Variants in ANO1 observed in about 807,000 individuals in gnomAD.
The protein encoded by ANO1 is anoctamin-1.
A neutral mutation model predicts 124.0 loss-of-function variants in ANO1; 59 were observed. That is an observed-to-expected ratio of 0.48 (90% CI 0.39 to 0.59). The LOEUF (loss-of-function observed/expected upper bound fraction) is 0.59, where lower values mean the gene tolerates loss of function less well. Ranked by LOEUF, ANO1 falls within the 20% of genes least tolerant of loss-of-function variation. The pLI, the probability that ANO1 is intolerant of heterozygous loss-of-function variation, is 0.00. For missense variants in ANO1, 1,059 were observed against 1,328.0 expected (o/e 0.80, Z 3.15); for synonymous variants, 529 against 532.0 (o/e 0.99, Z 0.08).
At chr11:70,058,954 CG>C (rs1179278045) in intron 1 of ANO1, among the ~76,000 whole-genome samples, 1 of 151,586 alleles carries the variant, frequency 6.6e-6, no homozygotes, top group Non-Finnish European at 1.5e-5. Flanking sequence ...GAGGCTGAGG[CG>C]GGCAGATCAC....
chr11:70,064,025 G>T (rs1857658031), intron 1 of ANO1: 1 of 152,018 alleles, frequency 6.6e-6, no homozygotes. Flanking sequence ...TGTTTCTGTG[G>T]CTGGGCACAG....
chr11:70,045,624 A>G (rs1345431941), intron 1 of ANO1, among the ~76,000 whole-genome samples: 1 of 152,154 alleles, frequency 6.6e-6, no homozygotes, highest in Non-Finnish European at 1.5e-5. Context: ...GAGGCTGGAC[A>G]TGACTCATAC....
intron 1 of ANO1, among the ~76,000 whole-genome samples, chr11:69,991,973 T>C (rs1554997564): frequency 6.6e-6 from 1 of 152,228 alleles, no homozygotes; most frequent in African/African-American, 2.4e-5. Context: ...CCACTTCTCT[T>C]AGAGCATGCA....
At chr11:70,111,032 C>G (rs567402067) in intron 6 of ANO1, 2 of 427,738 alleles carry the variant, frequency 4.7e-6, no homozygotes, top group Admixed American at 5.0e-5. Context: ...GCTGTGAGTC[C>G]GCCAGAATCA....
At chr11:70,162,268 A>ACAGTGGGGACCCCGGG (rs1338544789) in intron 18 of ANO1, among the ~76,000 whole-genome samples, 1 of 114,968 alleles carries the variant, frequency 8.7e-6, no homozygotes, top group African/African-American at 3.3e-5. Flanking sequence ...AGGGCCCCGG[A>ACAGTGGGGACCCCGGG]CAGTGGGGAC....
In ANO1 at chr11:70,025,963, T is replaced by C. The variant is rs1455582851; in HGVS notation, c.58+39797T>C. ...GTGGTAGTGGTGATGACAGTGATGA[T>C]GATGATGGTGACGATGGTGGTAGTG... On this transcript the variant is annotated intron_variant, in intron 1 of 27. Transcript: ENST00000531349. Among the ~76,000 whole-genome samples, 3 of 148,932 alleles carry C rather than the reference T, an allele frequency of 2.0e-5. No homozygotes were observed. The East Asian group carries it at 6.0e-4, about 30-fold the overall frequency.
chr11:69,994,560 G>C (rs1156871345), intron 1 of ANO1, among the ~76,000 whole-genome samples: 1 of 152,066 alleles, frequency 6.6e-6, no homozygotes, highest in African/African-American at 2.4e-5. Flanking sequence ...ATATATGATG[G>C]CAATTTTTAA....
intron 1 of ANO1, among the ~76,000 whole-genome samples, chr11:70,079,347 GCC>G (rs1457531046): frequency 2.0e-5 from 3 of 152,012 alleles, no homozygotes; most frequent in Non-Finnish European, 4.4e-5. Flanking sequence ...TTCTACCCTC[GCC>G]CCTGTCTCCC....
rs546073769 is a variant in ANO1, at chr11:70,126,224, G to A, written c.1097+29G>A. On this transcript the variant is annotated intron_variant, in intron 10 of 25. Transcript: ENST00000355303. ...GGCGGCAGCCCACCCCCACCACCCC[G>A]CAGTACACAGAGGAGCCCTCTCCTG... 328 of 1,332,736 alleles carry A rather than the reference G, an allele frequency of 2.5e-4. No homozygotes were observed. The East Asian group carries it at 5.1e-3, about 21-fold the overall frequency. 82.6% of individuals were successfully genotyped at this position (1,332,736 alleles called of 1,614,324 possible).
At chr11:70,111,591 C>T (rs1411352748) in intron 6 of ANO1, 116 bp from the exon 7 acceptor site, 4 of 962,542 alleles carry the variant, frequency 4.2e-6, no homozygotes, top group African/African-American at 3.2e-5. Context: ...TAGTCAGGTT[C>T]GTTTCATTTT....
Position 70,120,941 on chromosome 11 carries a change from C to G in ANO1, c.898-3409C>G, listed in dbSNP as rs556598256. On this transcript the variant is annotated intron_variant, in intron 8 of 25. Transcript: ENST00000355303. ...CCTGCTCACCGGGGCTAAGGTGCCA[C>G]CTTGGATTCCTTCCAGCACTTCAGT... Among the ~76,000 whole-genome samples, 3 of 152,296 alleles carry G rather than the reference C, an allele frequency of 2.0e-5. No homozygotes were observed. The East Asian group carries it at 5.8e-4, about 29-fold the overall frequency.
chr11:70,140,815 G>C (rs1463254024), intron 11 of ANO1, among the ~76,000 whole-genome samples: 1 of 152,192 alleles, frequency 6.6e-6, no homozygotes, highest in Non-Finnish European at 1.5e-5. Flanking sequence ...CGGGATATCA[G>C]GACATTCCTG....
chr11:70,163,702 C>T (rs1207078979), intron 19 of ANO1: 4 of 488,878 alleles, frequency 8.2e-6, no homozygotes, highest in Admixed American at 3.9e-5. Flanking sequence ...TTTGGGAGGC[C>T]GAGACTCGTG....
In ANO1 at chr11:70,078,580, G is replaced by C. The variant is rs1435006701; in HGVS notation, c.-27G>C. On this transcript the variant is annotated 5_prime_UTR_variant, in exon 1 of 26. Coordinates refer to ENST00000355303, the MANE Select transcript of ANO1 (RefSeq NM_018043.7). ...CGTGGATGGGGAGGGCGCGCCGCCC[G>C]GCGGTCCCAGCGCACAGGCGGCCAC... 2 of 1,426,418 alleles carry C rather than the reference G, an allele frequency of 1.4e-6. No individual in the cohort carries two copies. The highest frequency in any genetic ancestry group is 1.3e-5 in the South Asian group (1 of 79,470). The allele number at this position is 1,426,418 out of a possible 1,614,324, so 88.4% of individuals were successfully genotyped here. A position where few individuals can be genotyped will look rare whatever the true frequency, so the allele number is the denominator to read the frequency against.
chr11:70,177,934 C>T (rs1456838002), intron 22 of ANO1, among the ~76,000 whole-genome samples: 1 of 152,212 alleles, frequency 6.6e-6, no homozygotes, highest in African/African-American at 2.4e-5. Context: ...GGTTTTTAAG[C>T]ATCCGTCTGC....
chr11:69,991,894 G>T (rs904876844), intron 1 of ANO1, among the ~76,000 whole-genome samples: 1 of 152,210 alleles, frequency 6.6e-6, no homozygotes, highest in African/African-American at 2.4e-5. Flanking sequence ...AGCTCTGTGT[G>T]CCAATAGTGG....
Position 70,168,123 on chromosome 11 carries a change from G to T in ANO1, c.2197+736G>T, listed in dbSNP as rs1300090038. On this transcript the variant is annotated intron_variant, in intron 21 of 25. Coordinates refer to ENST00000355303, the MANE Select transcript of ANO1 (RefSeq NM_018043.7). ...GGTGGCCAAAGAGAACTGGGAAGAG[G>T]CCAGGTGTGGTCCGCACAGCTCTGG... Among the ~76,000 whole-genome samples the T allele has an allele frequency of 2.6e-5, 4 of 152,136 alleles. No homozygotes were observed. The East Asian group carries it at 5.8e-4, about 22-fold the overall frequency.
chr11:70,089,961 A>G (rs1219339462), intron 2 of ANO1, among the ~76,000 whole-genome samples: 1 of 152,132 alleles, frequency 6.6e-6, no homozygotes, highest in Non-Finnish European at 1.5e-5. Flanking sequence ...TTTGAGCTTC[A>G]TGGTCCTTGT....
chr11:70,177,504 C>T (rs559033285), intron 22 of ANO1, among the ~76,000 whole-genome samples: 1 of 152,130 alleles, frequency 6.6e-6, no homozygotes, highest in South Asian at 2.1e-4. Flanking sequence ...GGGGCGCCCC[C>T]GGGCACCACA....
Sources: gnomAD v4.1 joint callset for allele counts (sites outside exome capture counted in the v4.1 genomes callset) on GRCh38, gnomAD v4.1.1 for gene constraint, MANE v1.5 for transcripts, NCBI Gene and HGNC (gene_info 2026-07-23, HGNC 2026-07-21) for gene names.